Variants in CHRDL1 observed in about 807,000 individuals in gnomAD.
CHRDL1 encodes the protein chordin like 1.
Under a neutral mutation model 40.9 loss-of-function variants are expected in CHRDL1, and 19 were observed. That is an observed-to-expected ratio of 0.46 (90% CI 0.32 to 0.68). CHRDL1 has a LOEUF of 0.68. Ranked by LOEUF, CHRDL1 falls within the 30% of genes least tolerant of loss-of-function variation. The pLI is 0.03. For missense variants in CHRDL1, 329 were observed against 352.1 expected (o/e 0.93, Z 0.53); for synonymous variants, 136 against 123.4 (o/e 1.10, Z -0.68).
At chrX:110,749,712 A>C (rs2089323022) in intron 4 of CHRDL1, among the ~76,000 whole-genome samples, 1 of 111,865 alleles carries the variant, frequency 8.9e-6, no homozygotes, top group African/African-American at 3.3e-5. Flanking sequence ...CTGATGGTAT[A>C]AAATTCTAAA....
In CHRDL1 at chrX:110,675,428, A is replaced by G. The variant is rs978806409; in HGVS notation, c.*803T>C. ...AAAAGAAAAGTGGTATCATTAGGGA[A>G]AAATTATTACCACTTCTAAGTGAAT... On this transcript the variant is annotated 3_prime_UTR_variant, in exon 12 of 12. Coordinates refer to ENST00000372042, the MANE Select transcript of CHRDL1 (RefSeq NM_001143981.2). The G allele has an allele frequency of 1.8e-5, 2 of 111,559 alleles. No homozygotes were observed. Among genetic ancestry groups the G allele is most frequent in the African/African-American group, 6.5e-5 (2 of 30,705 alleles). The allele number at this position is 111,559 out of a possible 1,213,427, so 9.2% of individuals were successfully genotyped here.
At chrX:110,717,468 G>A (rs938894741) in intron 6 of CHRDL1, among the ~76,000 whole-genome samples, 4 of 111,628 alleles carry the variant, frequency 3.6e-5, no homozygotes, top group Admixed American at 1.9e-4. Context: ...TTTGAGTGGC[G>A]ACAGGGAGTC....
intron 2 of CHRDL1, among the ~76,000 whole-genome samples, chrX:110,778,365 G>T (rs1050124438): frequency 3.6e-5 from 4 of 111,875 alleles, no homozygotes; most frequent in East Asian, 5.6e-4. Flanking sequence ...TCTGACGAAG[G>T]TCTAATATCA....
chrX:110,723,558 A>G (rs2071002529), intron 4 of CHRDL1, among the ~76,000 whole-genome samples: 1 of 111,597 alleles, frequency 9.0e-6, no homozygotes, highest in Admixed American at 9.5e-5. Flanking sequence ...TGGCAGCACT[A>G]AGATATAACT....
At chrX:110,771,985 T>C (rs2089768700) in intron 2 of CHRDL1, among the ~76,000 whole-genome samples, 3 of 111,652 alleles carry the variant, frequency 2.7e-5, no homozygotes, top group Admixed American at 9.5e-5. Flanking sequence ...CAATTAGAAA[T>C]TGAATATTGA....
At chrX:110,688,842 A>T in intron 8 of CHRDL1, 39 bp from the exon 9 acceptor site, 1 of 1,040,567 alleles carries the variant, frequency 9.6e-7, no homozygotes, top group Non-Finnish European at 1.3e-6. Context: ...AAAGCTAAGG[A>T]GCTAAAATGG....
chrX:110,764,548 A>G (rs1203834350), intron 2 of CHRDL1, among the ~76,000 whole-genome samples: 2 of 112,171 alleles, frequency 1.8e-5, no homozygotes, highest in East Asian at 2.8e-4. Flanking sequence ...GTACAAATTG[A>G]CTGTAAAACA....
rs1410030462 is a variant in CHRDL1, at chrX:110,792,144, A to G, written c.38T>C (p.Ile13Thr). 2 of 1,199,357 alleles carry G rather than the reference A, an allele frequency of 1.7e-6. No homozygotes were observed. Among genetic ancestry groups the G allele is most frequent in the Non-Finnish European group, 2.3e-6 (2 of 886,949 alleles). Residue 13 changes from isoleucine (I) to threonine (T), a missense_variant, in exon 2 of 12, where the codon ATC becomes ACC. Physicochemically the swap from Ile to Thr is moderately conservative, Grantham distance 89 (BLOSUM62 -1). Transcript: ENST00000372042. Reference protein sequence around the residue: ...KKWKMGGMKYIFSLLFFLLLE... With the variant: ...KKWKMGGMKYTFSLLFFLLLE... ...CAAAAGAAAGAACAACAACGAAAAG[A>G]TGTATTTCATGCCTCCCATTTTCCA...
At chrX:110,744,761 G>A (rs2071420431) in intron 4 of CHRDL1, among the ~76,000 whole-genome samples, 1 of 110,982 alleles carries the variant, frequency 9.0e-6, no homozygotes, top group Non-Finnish European at 1.9e-5. Context: ...CTCCATCTTG[G>A]TAGTAAGCAT....
At chrX:110,768,926 C>A (rs2089708778) in intron 2 of CHRDL1, among the ~76,000 whole-genome samples, 1 of 111,227 alleles carries the variant, frequency 9.0e-6, no homozygotes, top group Non-Finnish European at 1.9e-5. Context: ...TCTAGAGAAC[C>A]CTGACTAATA....
intron 11 of CHRDL1, among the ~76,000 whole-genome samples, chrX:110,677,990 G>A (rs781456228): frequency 9.0e-5 from 10 of 111,085 alleles, no homozygotes; most frequent in African/African-American, 2.0e-4. Flanking sequence ...GTCTCCTCCC[G>A]TCTCATTGAT....
chrX:110,689,949 CTA>C lies in CHRDL1; in HGVS notation c.779-1148_779-1147del, dbSNP rs1408529268. Among the ~76,000 whole-genome samples the C allele has an allele frequency of 6.2e-4, 10 of 16,024 alleles. 2 individuals are homozygous for C. Among genetic ancestry groups the C allele is most frequent in the African/African-American group, 4.2e-3 (5 of 1,187 alleles). The allele number at this position is 16,024 out of a possible 115,157, so 13.9% of individuals were successfully genotyped here. A position where few individuals can be genotyped will look rare whatever the true frequency, so the allele number is the denominator to read the frequency against. On this transcript the variant is annotated intron_variant, in intron 8 of 11. Coordinates refer to ENST00000372042, the MANE Select transcript of CHRDL1 (RefSeq NM_001143981.2). The stretch of plus-strand genomic sequence containing the variant: ...TATATATCTATATATATCTATATAT[CTA>C]TATATATCTATATATCTATATATAT...
In CHRDL1 at chrX:110,676,393, A is replaced by G. The variant is rs371905851; in HGVS notation, c.1247-32T>C. 9 of 1,198,785 alleles carry G rather than the reference A, an allele frequency of 7.5e-6. No homozygotes were observed. The African/African-American group carries it at 1.6e-4, about 21-fold the overall frequency. On this transcript the variant is annotated intron_variant, in intron 11 of 11. Transcript: ENST00000372042. Reference sequence around the variant, plus strand: ...GGCAAACAAACGCAAAGTGGCCGGGAGTGTGTAAGAGGAAAGCAGAGCAAA... The same window carrying G: ...GGCAAACAAACGCAAAGTGGCCGGGGGTGTGTAAGAGGAAAGCAGAGCAAA...
intron 11 of CHRDL1, among the ~76,000 whole-genome samples, chrX:110,676,606 T>C (rs1309854893): frequency 9.0e-6 from 1 of 111,674 alleles, no homozygotes; most frequent in Non-Finnish European, 1.9e-5. Context: ...AAGAATAATA[T>C]AGAACTGCCC....
chrX:110,784,016 C>G (rs1418240827), intron 2 of CHRDL1, among the ~76,000 whole-genome samples: 1 of 112,112 alleles, frequency 8.9e-6, no homozygotes, highest in Non-Finnish European at 1.9e-5. Context: ...AGATGAATCT[C>G]TGCTATTCAT....
chrX:110,763,617 T>C (rs970870373), intron 2 of CHRDL1, among the ~76,000 whole-genome samples: 5 of 109,743 alleles, frequency 4.6e-5, no homozygotes, highest in African/African-American at 1.7e-4. Flanking sequence ...TTTATCTATA[T>C]GTTTCTTTAT....
At chrX:110,751,145 T>G (rs766421234) in intron 4 of CHRDL1, among the ~76,000 whole-genome samples, 89 of 111,527 alleles carry the variant, frequency 8.0e-4, no homozygotes, top group African/African-American at 2.8e-3. Flanking sequence ...GGATTTTTGG[T>G]GTAGGGTCTG....
rs761732032 is a variant in CHRDL1, at chrX:110,765,297, CT to C, written c.95-2491del. On this transcript the variant is annotated intron_variant, in intron 2 of 11. Coordinates refer to ENST00000372042, the MANE Select transcript of CHRDL1 (RefSeq NM_001143981.2). ...GCTGTAAAATTCCTCTCTTTGTACT[CT>C]TTCTCTTTATTTCTTAGCCGGTTGA... 2.3e-3 allele frequency among the ~76,000 whole-genome samples: 257 copies of C among 112,042 alleles called. 2 individuals carry two copies. Among genetic ancestry groups the C allele is most frequent in the African/African-American group, 8.1e-3 (251 of 30,845 alleles).
chrX:110,769,084 G>T (rs745923539), intron 2 of CHRDL1, among the ~76,000 whole-genome samples: 1 of 111,811 alleles, frequency 8.9e-6, no homozygotes, highest in African/African-American at 3.2e-5. Flanking sequence ...CAGAGTCCCT[G>T]AAAGTAGGTA....
Sources: gnomAD v4.1 joint callset for allele counts (sites outside exome capture counted in the v4.1 genomes callset) on GRCh38, gnomAD v4.1.1 for gene constraint, MANE v1.5 for transcripts, NCBI Gene and HGNC (gene_info 2026-07-23, HGNC 2026-07-21) for gene names.